RBM44: variants seen among roughly 807,000 people sequenced by gnomAD.
RBM44 encodes RNA-binding protein 44.
RBM44 carries 66 observed loss-of-function variants against 105.1 expected under a neutral mutation model. That is an observed-to-expected ratio of 0.63 (90% confidence interval 0.52 to 0.77). The LOEUF (loss-of-function observed/expected upper bound fraction) is 0.77. Among genes scored for constraint, RBM44 ranks in the 30% least tolerant of loss-of-function variants. The probability of loss-of-function intolerance (pLI) is 0.00; values close to 1 mark genes in which losing one functional copy is unlikely to be tolerated. For synonymous variants in RBM44, 365 were observed against 417.6 expected (o/e 0.87, Z 1.54); for missense variants, 1,122 against 1,207.8 (o/e 0.93, Z 1.05).
In RBM44 at chr2:237,817,231, C is replaced by A; in HGVS notation, c.312C>A (p.Asp104Glu). Residue 104 changes from aspartate to glutamate, a missense_variant, in exon 3 of 16, where the codon GAC becomes GAA. Asp to Glu is a conservative substitution (Grantham distance 45, BLOSUM62 2). This residue lies in a region of RBM44 where 918 missense variants were observed against 955.3 expected (regional missense o/e 0.96). Transcript: ENST00000316997. ...FQSSELEDST[D>E]YAFLNKTYSI... ...CAAGTGAACTTGAAGACAGTACTGA[C>A]TATGCTTTCTTGAATAAAACATATT... 2 of 1,603,904 alleles carry A rather than the reference C, an allele frequency of 1.2e-6. No individual in the cohort carries two copies. The highest frequency in any genetic ancestry group is 4.5e-5 in the East Asian group (2 of 44,732).
At chr2:237,806,203 T>C (rs1487302818) in intron 1 of RBM44, among the ~76,000 whole-genome samples, 1 of 152,212 alleles carries the variant, frequency 6.6e-6, no homozygotes, top group Non-Finnish European at 1.5e-5. Flanking sequence ...GTAGATACCA[T>C]AATAATGTTC....
chr2:237,817,338 AAG>A lies in RBM44; in HGVS notation c.422_423del (p.Glu141GlyfsTer5), dbSNP rs1441196966. 2 of 1,602,574 alleles carry A rather than the reference AAG, an allele frequency of 1.2e-6. No individual in the cohort carries two copies. The highest frequency in any genetic ancestry group is 2.2e-5 in the East Asian group (1 of 44,644). On this transcript the variant is annotated frameshift_variant, in exon 3 of 16. Coordinates refer to ENST00000316997, the MANE Select transcript of RBM44 (RefSeq NM_001080504.3). LOFTEE classifies it high-confidence loss of function. ...GAATTAGATCCTGAAGTGCAGAAAAAAGAGGAGGTTTTTTTTAATATTTTGGA... is the reference window on the plus strand; with the variant it reads ...GAATTAGATCCTGAAGTGCAGAAAAAAGGAGGTTTTTTTTAATATTTTGGA...
chr2:237,820,102 T>A, intron 4 of RBM44, 73 bp from the exon 5 acceptor site: 8 of 759,398 alleles, frequency 1.1e-5, no homozygotes, highest in Non-Finnish European at 1.6e-5. Flanking sequence ...ATTTAAAATC[T>A]GTTTCTGGAG....
At chr2:237,820,683 A>G (rs1394013162) in intron 5 of RBM44, 3 of 232,268 alleles carry the variant, frequency 1.3e-5, no homozygotes, top group Middle Eastern at 2.8e-3. Flanking sequence ...TTAGAAAAAC[A>G]TATTTACTGT....
In RBM44 at chr2:237,818,053, A is replaced by C; in HGVS notation, c.1134A>C (p.Gln378His). The C allele has an allele frequency of 6.2e-7, 1 of 1,613,070 alleles. No individual in the cohort carries two copies. Among genetic ancestry groups the C allele is most frequent in the Non-Finnish European group, 8.5e-7 (1 of 1,179,464 alleles). The change falls in exon 3 of 16, where the codon CAA becomes CAC. Residue 378 changes from glutamine (Q) to histidine (H), a missense_variant. By Grantham distance (24) the Gln-to-His change is conservative (BLOSUM62 0). This residue lies in a region of RBM44 where 918 missense variants were observed against 955.3 expected (regional missense o/e 0.96). Transcript: ENST00000316997. This position sits in a 1 kb window ranked among gnomAD's most constrained non-coding sequence, Gnocchi z 4.6. ...TACTCCAACCCTGTAAAGATTGTCA[A>C]ACTTCCTGGACCTCTGTTTTTGATG... ...ETLLQPCKDC[Q>H]TSWTSVFDDS...
In RBM44 at chr2:237,821,084, A is replaced by G. The variant is rs756391975; in HGVS notation, c.1927A>G (p.Asn643Asp). 1 of 1,581,680 alleles carries G rather than the reference A, an allele frequency of 6.3e-7. No homozygotes were observed. Among genetic ancestry groups the G allele is most frequent in the Non-Finnish European group, 8.5e-7 (1 of 1,171,460 alleles). Residue 643 changes from asparagine to aspartate, a missense_variant, in exon 6 of 16, where the codon AAT (asparagine) becomes GAT (aspartate). By Grantham distance (23) the Asn-to-Asp change is conservative. Around this residue, in one of 3 missense-constraint regions of RBM44, gnomAD observed 918 missense variants for 955.3 expected, o/e 0.96. Coordinates refer to ENST00000316997, the MANE Select transcript of RBM44 (RefSeq NM_001080504.3). Reference protein sequence around the residue: ...REGLNMNLSSNSAKKELGSAL... With the variant: ...REGLNMNLSSDSAKKELGSAL... Reference sequence around the variant, plus strand: ...ACTTTTGAACAGGAATTTATCAAGTAATTCTGCTAAGAAGGAATTGGGATC... The same window carrying G: ...ACTTTTGAACAGGAATTTATCAAGTGATTCTGCTAAGAAGGAATTGGGATC...
At chr2:237,827,047 A>G (rs1285451868) in intron 10 of RBM44, among the ~76,000 whole-genome samples, 1 of 152,182 alleles carries the variant, frequency 6.6e-6, no homozygotes. Flanking sequence ...AGTTTTTAAG[A>G]TGATGTGATT....
rs144478043 is a variant in RBM44, at chr2:237,836,990, G to A, written c.*22+2567G>A. 4.0e-3 allele frequency among the ~76,000 whole-genome samples: 614 copies of A among 152,138 alleles called. 30 individuals are homozygous for A. The highest frequency in any genetic ancestry group is 0.038 in the Admixed American group (577 of 15,280). On this transcript the variant is annotated intron_variant, in intron 15 of 15. Transcript: ENST00000316997. ...AGTCCTCCTGACTCAGCCTCCCTCA[G>A]TAGCTGGGATTAGAGGCACATACCA...
chr2:237,816,867 T>G, intron 2 of RBM44, 126 bp from the exon 3 acceptor site: 1 of 614,202 alleles, frequency 1.6e-6, no homozygotes, highest in Non-Finnish European at 2.7e-6. Context: ...AAAGGGATAT[T>G]TTTCATGGAT....
At chr2:237,832,509 T>TC (rs755366162) in intron 13 of RBM44, among the ~76,000 whole-genome samples, 12 of 152,134 alleles carry the variant, frequency 7.9e-5, no homozygotes, top group Non-Finnish European at 1.5e-4. Flanking sequence ...ATTTTGATGT[T>TC]CATTAGCTCA....
intron 1 of RBM44, among the ~76,000 whole-genome samples, chr2:237,811,980 A>G (rs2061663729): frequency 6.6e-6 from 1 of 151,986 alleles, no homozygotes; most frequent in African/African-American, 2.4e-5. Context: ...TCAGCCTCCC[A>G]AGTAGTTGGG....
At chr2:237,831,251 G>C (rs1252239240) in intron 13 of RBM44, among the ~76,000 whole-genome samples, 1 of 136,176 alleles carries the variant, frequency 7.3e-6, no homozygotes, top group African/African-American at 2.6e-5. Flanking sequence ...TTTGGGGGGG[G>C]GGGGGTTTGT....
At chr2:237,816,252 A>C (rs543008666) in intron 2 of RBM44, among the ~76,000 whole-genome samples, 5 of 152,304 alleles carry the variant, frequency 3.3e-5, no homozygotes, top group African/African-American at 1.2e-4. Context: ...GCACTGTGTT[A>C]AAATTACATT....
At chr2:237,799,956 G>A (rs922112469) in intron 1 of RBM44, among the ~76,000 whole-genome samples, 1 of 152,138 alleles carries the variant, frequency 6.6e-6, no homozygotes, top group Admixed American at 6.5e-5. Flanking sequence ...AAATAGTTCG[G>A]TAAGTGAGAA....
intron 1 of RBM44, among the ~76,000 whole-genome samples, chr2:237,800,597 A>C (rs533017063): frequency 6.6e-6 from 1 of 152,214 alleles, no homozygotes; most frequent in Admixed American, 6.5e-5. Flanking sequence ...TTAAAATTTT[A>C]CTTAAGTAAC....
intron 10 of RBM44, 29 bp downstream of exon 10, chr2:237,824,448 C>A: frequency 6.3e-7 from 1 of 1,595,786 alleles, no homozygotes; most frequent in Non-Finnish European, 8.6e-7. Flanking sequence ...ACCGAGAAAT[C>A]CTAACCTAGA....
At chr2:237,807,350 A>G (rs188437765) in intron 1 of RBM44, among the ~76,000 whole-genome samples, 46 of 152,264 alleles carry the variant, frequency 3.0e-4, no homozygotes, top group Non-Finnish European at 1.5e-4. Flanking sequence ...GAGTTTCACC[A>G]TGTTGGCCAG....
chr2:237,818,562 A>C lies in RBM44; in HGVS notation c.1643A>C (p.Asp548Ala). Residue 548 changes from aspartate (D) to alanine (A), a missense_variant, in exon 3 of 16, where the codon GAC becomes GCC. Physicochemically the swap from Asp to Ala is moderately radical, Grantham distance 126. Transcript: ENST00000316997. The surrounding 1 kb of genome is among the most constrained non-coding windows in gnomAD (Gnocchi z 4.6). ...TKGSGKSLSV[D>A]SLKPNGNFLN... ...GGATCAGGAAAATCTCTCTCCGTTG[A>C]CAGTTTAAAACCTAATGGAAATTTT... The C allele has an allele frequency of 6.4e-7, 1 of 1,562,372 alleles. No individual in the cohort carries two copies. The highest frequency in any genetic ancestry group is 8.6e-7 in the Non-Finnish European group (1 of 1,159,584).
At chr2:237,820,444 A>G in intron 5 of RBM44, 93 bp downstream of exon 5, 1 of 780,722 alleles carries the variant, frequency 1.3e-6, no homozygotes, top group Admixed American at 3.3e-5. Context: ...ATTTTTGAAG[A>G]GTAAAATGAG....
Sources: allele counts gnomAD v4.1 joint callset (sites outside exome capture counted in the v4.1 genomes callset), GRCh38; gene constraint gnomAD v4.1.1; regional missense constraint gnomAD v4.1.1; non-coding constraint Gnocchi (gnomAD v3.1); transcripts MANE v1.5; gene names NCBI Gene and HGNC (gene_info 2026-07-23, HGNC 2026-07-21).